EFHC1: variants seen among roughly 807,000 people sequenced by gnomAD.
EFHC1 encodes the protein EF-hand domain-containing protein 1.
Under a neutral mutation model 69.9 loss-of-function variants are expected in EFHC1, and 53 were observed. That is an observed-to-expected ratio of 0.76 (90% confidence interval 0.61 to 0.95). EFHC1 has a LOEUF of 0.95. Ranked by LOEUF, EFHC1 falls within the 40% of genes least tolerant of loss-of-function variation. The probability of loss-of-function intolerance (pLI) is 0.00; values close to 1 mark genes in which losing one functional copy is unlikely to be tolerated. For missense variants in EFHC1, 739 were observed against 798.7 expected (o/e 0.93, Z 0.90); for synonymous variants, 256 against 278.4 (o/e 0.92, Z 0.80).
chr6:52,423,882 G>GTT, intron 1 of EFHC1, 64 bp from the exon 2 acceptor site: 2 of 1,475,304 alleles, frequency 1.4e-6, no homozygotes, highest in East Asian at 2.5e-5. Flanking sequence ...TTAAAAGTTA[G>GTT]TTTTTTTTTT....
intron 5 of EFHC1, among the ~76,000 whole-genome samples, chr6:52,459,705 C>T (rs796780038): frequency 2.6e-5 from 4 of 151,488 alleles, no homozygotes; most frequent in African/African-American, 7.4e-5. Context: ...GACGGAGTCT[C>T]GCTTTGTCGC....
chr6:52,491,852 C>G (rs966963996), intron 10 of EFHC1, among the ~76,000 whole-genome samples: 15 of 152,214 alleles, frequency 9.9e-5, no homozygotes, highest in Admixed American at 2.0e-4. Flanking sequence ...TAACAGGCTT[C>G]AGATGTGTCT....
Position 52,493,890 on chromosome 6 carries a change from C to T in EFHC1, c.*1549C>T. Reference sequence around the variant, plus strand: ...ATAGAGTTACACAGAATTCAGACTGCTTTGCCCTCTCAGAACTTCTAGGGA... The same window carrying T: ...ATAGAGTTACACAGAATTCAGACTGTTTTGCCCTCTCAGAACTTCTAGGGA... On this transcript the variant is annotated 3_prime_UTR_variant, in exon 11 of 11. Transcript: ENST00000371068. The T allele has an allele frequency of 2.2e-6, 1 of 454,056 alleles. No individual in the cohort carries two copies. The highest frequency in any genetic ancestry group is 1.6e-5 in the South Asian group (1 of 64,470). 28.1% of individuals were successfully genotyped at this position (454,056 alleles called of 1,614,324 possible).
chr6:52,455,771 T>C (rs1428570708), intron 5 of EFHC1, among the ~76,000 whole-genome samples: 1 of 152,226 alleles, frequency 6.6e-6, no homozygotes, highest in African/African-American at 2.4e-5. Context: ...ATTGCTTCAC[T>C]TGCACAGTGC....
At chr6:52,435,184 T>C (rs997238819) in intron 2 of EFHC1, among the ~76,000 whole-genome samples, 1 of 152,204 alleles carries the variant, frequency 6.6e-6, no homozygotes, top group Admixed American at 6.5e-5. Context: ...ATTTGCCATC[T>C]CATCTTGAAT....
intron 7 of EFHC1, 60 bp downstream of exon 7, chr6:52,469,533 T>G: frequency 1.9e-6 from 3 of 1,602,778 alleles, no homozygotes; most frequent in Non-Finnish European, 2.6e-6. Context: ...GTACAATTGT[T>G]TATTTTATCT....
At chr6:52,472,650 T>C (rs1765462602) in intron 7 of EFHC1, among the ~76,000 whole-genome samples, 1 of 126,164 alleles carries the variant, frequency 7.9e-6, no homozygotes, top group Non-Finnish European at 1.7e-5. Flanking sequence ...ACAAGAGATA[T>C]GTAATATCTT....
chr6:52,496,324 T>C lies in EFHC1; in HGVS notation c.*3983T>C, dbSNP rs889358715. Reference sequence around the variant, plus strand: ...AGACTGCTTATAGTGCTTACGGCTTTGGGACTAATAAAAATCTGCCTTGCG... The same window carrying C: ...AGACTGCTTATAGTGCTTACGGCTTCGGGACTAATAAAAATCTGCCTTGCG... On this transcript the variant is annotated 3_prime_UTR_variant, in exon 11 of 11. Transcript: ENST00000371068. 1 of 152,376 alleles carries C rather than the reference T, an allele frequency of 6.6e-6. No homozygotes were observed. Among genetic ancestry groups the C allele is most frequent in the African/African-American group, 2.4e-5 (1 of 41,440 alleles). 9.4% of individuals were successfully genotyped at this position (152,376 alleles called of 1,614,324 possible).
intron 7 of EFHC1, among the ~76,000 whole-genome samples, chr6:52,473,734 A>G (rs1765487627): frequency 6.6e-6 from 1 of 152,088 alleles, no homozygotes; most frequent in Non-Finnish European, 1.5e-5. Flanking sequence ...GTGAGCCGAG[A>G]CTGAGCCACT....
intron 10 of EFHC1, 69 bp from the exon 11 acceptor site, chr6:52,492,201 G>T: frequency 7.4e-7 from 1 of 1,342,850 alleles, no homozygotes; most frequent in Admixed American, 1.7e-5. Context: ...ATGCATAAGC[G>T]CACTCTGCAG....
chr6:52,459,395 T>TA (rs1765112165), intron 5 of EFHC1, among the ~76,000 whole-genome samples: 1 of 152,058 alleles, frequency 6.6e-6, no homozygotes, highest in Admixed American at 6.5e-5. Context: ...AAAAAATAGG[T>TA]AAAGGATTAG....
chr6:52,477,822 TTGG>T (rs1765576016), intron 7 of EFHC1, among the ~76,000 whole-genome samples: 1 of 152,202 alleles, frequency 6.6e-6, no homozygotes, highest in Non-Finnish European at 1.5e-5. Flanking sequence ...TTTTACACTG[TTGG>T]TGGGACTGTA....
intron 1 of EFHC1, chr6:52,421,047 C>G (rs562629045): frequency 1.0e-6 from 1 of 996,012 alleles, no homozygotes; most frequent in Non-Finnish European, 1.2e-6. Flanking sequence ...TATATCGATT[C>G]CGCTCCTCTT....
intron 3 of EFHC1, among the ~76,000 whole-genome samples, chr6:52,452,487 A>G (rs1764936075): frequency 6.6e-6 from 1 of 152,100 alleles, no homozygotes; most frequent in Admixed American, 6.6e-5. Flanking sequence ...GTTTTTGTAG[A>G]AACAGGGTCT....
chr6:52,457,978 C>T (rs1765081482), intron 5 of EFHC1, among the ~76,000 whole-genome samples: 1 of 152,154 alleles, frequency 6.6e-6, no homozygotes, highest in South Asian at 2.1e-4. Flanking sequence ...AGCCCCATAT[C>T]TCAAAGACTT....
chr6:52,495,545 T>G lies in EFHC1; in HGVS notation c.*3204T>G, dbSNP rs1318320984. 4 of 454,008 alleles carry G rather than the reference T, an allele frequency of 8.8e-6. No individual in the cohort carries two copies. The highest frequency in any genetic ancestry group is 1.8e-5 in the Non-Finnish European group (4 of 226,790). 28.1% of individuals were successfully genotyped at this position (454,008 alleles called of 1,614,324 possible). On this transcript the variant is annotated 3_prime_UTR_variant, in exon 11 of 11. Coordinates refer to ENST00000371068, the MANE Select transcript of EFHC1 (RefSeq NM_018100.4). ...CAGCCAAAATGGAGATTTAGGAAAG[T>G]CTCATTTAGCATCCTCTAGCCTGCT...
chr6:52,437,211 A>G (rs1764553334), intron 2 of EFHC1, among the ~76,000 whole-genome samples: 2 of 152,202 alleles, frequency 1.3e-5, no homozygotes, highest in African/African-American at 4.8e-5. Flanking sequence ...ATACATTTAC[A>G]AAGGACTACA....
chr6:52,465,263 C>A lies in EFHC1; in HGVS notation c.1137+148C>A, dbSNP rs899238309. Reference sequence around the variant, plus strand: ...TTCACAAAAGAAGAAATACAAATGACAAAAAAATTATGAGAAGACCCTCAA... The same window carrying A: ...TTCACAAAAGAAGAAATACAAATGAAAAAAAAATTATGAGAAGACCCTCAA... On this transcript the variant is annotated intron_variant, in intron 6 of 10. Transcript: ENST00000371068. 8.6e-6 allele frequency: 6 copies of A among 698,820 alleles called. No homozygotes were observed. In the Admixed American group the frequency reaches 1.4e-4, roughly 16 times the overall value. The allele number at this position is 698,820 out of a possible 1,614,324, so 43.3% of individuals were successfully genotyped here.
intron 3 of EFHC1, among the ~76,000 whole-genome samples, chr6:52,450,849 C>T (rs954413902): frequency 3.3e-5 from 5 of 152,166 alleles, no homozygotes; most frequent in South Asian, 2.1e-4. Context: ...CCCAGGTTGG[C>T]GTGCAGTGGC....
Sources: allele counts gnomAD v4.1 joint callset (sites outside exome capture counted in the v4.1 genomes callset), GRCh38; gene constraint gnomAD v4.1.1; transcripts MANE v1.5; gene names NCBI Gene and HGNC (gene_info 2026-07-23, HGNC 2026-07-21).